The following MAP7 variants were observed in gnomAD, a reference collection of about 807,000 sequenced individuals.
MAP7 encodes the protein microtubule associated protein 7.
In MAP7, 52 loss-of-function variants were observed where a neutral mutation model predicts 94.8. That is an observed-to-expected ratio of 0.55 (90% CI 0.44 to 0.69). MAP7 has a LOEUF of 0.69. Among genes scored for constraint, MAP7 ranks in the 30% least tolerant of loss-of-function variants. MAP7 has a pLI of 0.00. For missense variants in MAP7, 940 were observed against 964.6 expected (o/e 0.97, Z 0.34); for synonymous variants, 350 against 357.0 (o/e 0.98, Z 0.22).
intron 5 of MAP7, 58 bp downstream of exon 5, chr6:136,388,335 A>G (rs1779729481): frequency 7.9e-7 from 1 of 1,272,512 alleles, no homozygotes; most frequent in Admixed American, 1.9e-5. Context: ...AGAAAGAAGG[A>G]AACACCCTGT....
chr6:136,400,477 A>T (rs1783769020), intron 3 of MAP7, among the ~76,000 whole-genome samples: 1 of 152,164 alleles, frequency 6.6e-6, no homozygotes, highest in Non-Finnish European at 1.5e-5. Context: ...GATGGACTAA[A>T]ATCAAGCCTA....
At position 136,359,819 on chromosome 6, in the gene MAP7, C is replaced by G; in HGVS notation, c.1912+1G>C. Reference sequence around the variant, plus strand: ...TGGTTTGAGTTCATTGACAGAAATACCTGTTCCTCCAGTGAGAGCTCCCTT... The same window carrying G: ...TGGTTTGAGTTCATTGACAGAAATAGCTGTTCCTCCAGTGAGAGCTCCCTT... On this transcript the variant is annotated splice_donor_variant, in intron 15 of 17. Transcript: ENST00000354570. LOFTEE classifies it high-confidence loss of function. 2 of 1,611,802 alleles carry G rather than the reference C, an allele frequency of 1.2e-6. No individual in the cohort carries two copies. The highest frequency in any genetic ancestry group is 8.5e-7 in the Non-Finnish European group (1 of 1,179,576).
intron 8 of MAP7, among the ~76,000 whole-genome samples, chr6:136,371,351 C>T (rs1774447365): frequency 6.6e-6 from 1 of 152,208 alleles, no homozygotes; most frequent in African/African-American, 2.4e-5. Context: ...GGCTTTCTGT[C>T]TACAGCTAAG....
chr6:136,523,966 C>T (rs901698207), intron 1 of MAP7, among the ~76,000 whole-genome samples: 14 of 152,048 alleles, frequency 9.2e-5, no homozygotes, highest in African/African-American at 3.4e-4. Context: ...GAGGGCAGGG[C>T]GCAGTGACTC....
chr6:136,538,477 G>C (rs939067418), intron 1 of MAP7, among the ~76,000 whole-genome samples: 1 of 152,066 alleles, frequency 6.6e-6, no homozygotes, highest in Non-Finnish European at 1.5e-5. Context: ...CAATATTTTA[G>C]CAAAGGACTT....
intron 1 of MAP7, among the ~76,000 whole-genome samples, chr6:136,532,911 G>T (rs1437608579): frequency 6.6e-6 from 1 of 152,192 alleles, no homozygotes; most frequent in Non-Finnish European, 1.5e-5. Context: ...CAGGTGTTTG[G>T]GTTAGAAGAG....
Position 136,388,554 on chromosome 6 carries a change from G to A in MAP7, c.409-44C>T, listed in dbSNP as rs769123635. The A allele has an allele frequency of 1.7e-5, 26 of 1,498,614 alleles. No individual in the cohort carries two copies. In the East Asian group the frequency reaches 4.5e-4, roughly 26 times the overall value. 92.8% of individuals were successfully genotyped at this position (1,498,614 alleles called of 1,614,324 possible). A position where few individuals can be genotyped will look rare whatever the true frequency, so the allele number is the denominator to read the frequency against. ...GCTGAGGATTAGATTCCAGCTGGTTGTTTGAAGCTTCTTCAATTTAAGGCA... is the reference window on the plus strand; with the variant it reads ...GCTGAGGATTAGATTCCAGCTGGTTATTTGAAGCTTCTTCAATTTAAGGCA... On this transcript the variant is annotated intron_variant, in intron 4 of 17. Coordinates refer to ENST00000354570, the MANE Select transcript of MAP7 (RefSeq NM_003980.6).
chr6:136,348,798 A>T (rs746365741), intron 16 of MAP7, among the ~76,000 whole-genome samples: 1 of 152,190 alleles, frequency 6.6e-6, no homozygotes, highest in Non-Finnish European at 1.5e-5. Context: ...GATGAACTCA[A>T]GATTTGGAGG....
At chr6:136,457,185 C>G (rs1345821183) in intron 1 of MAP7, among the ~76,000 whole-genome samples, 1 of 150,892 alleles carries the variant, frequency 6.6e-6, no homozygotes, top group Non-Finnish European at 1.5e-5. Flanking sequence ...TATATGCTAA[C>G]AAGCTGGAAA....
intron 1 of MAP7, among the ~76,000 whole-genome samples, chr6:136,501,258 C>T (rs767977941): frequency 6.6e-6 from 1 of 152,222 alleles, no homozygotes; most frequent in African/African-American, 2.4e-5. Context: ...GGGCAACAGA[C>T]CCCTGGAGGT....
chr6:136,447,174 T>C (rs1347599255), intron 1 of MAP7, among the ~76,000 whole-genome samples: 2 of 152,222 alleles, frequency 1.3e-5, no homozygotes, highest in African/African-American at 2.4e-5. Flanking sequence ...CCCCCGAAAT[T>C]TGTTGTGTCT....
At position 136,345,856 on chromosome 6, in the gene MAP7, C is replaced by T; in HGVS notation, c.2239G>A (p.Glu747Lys). The change falls in exon 17 of 18, where the codon GAA becomes AAA. Residue 747 changes from glutamate (E) to lysine (K), a missense_variant and splice_region_variant. By Grantham distance (56) the Glu-to-Lys change is moderately conservative. Transcript: ENST00000354570. Reference sequence around the variant, plus strand: ...AGAAGGGAGTTGGAGGCAAGCTTACCTGCAGTCTGCTGTGTCTGAACACCA... The same window carrying T: ...AGAAGGGAGTTGGAGGCAAGCTTACTTGCAGTCTGCTGTGTCTGAACACCA... ...VDGVQTQQTA[E>K]VI 2 of 1,613,566 alleles carry T rather than the reference C, an allele frequency of 1.2e-6. No individual in the cohort carries two copies. The highest frequency in any genetic ancestry group is 1.1e-5 in the South Asian group (1 of 91,050).
chr6:136,441,300 T>C (rs574401369), intron 1 of MAP7, among the ~76,000 whole-genome samples: 8 of 152,304 alleles, frequency 5.3e-5, no homozygotes, highest in African/African-American at 1.9e-4. Flanking sequence ...TTCCCTAATA[T>C]ATACCATTAA....
intron 8 of MAP7, among the ~76,000 whole-genome samples, chr6:136,369,082 A>G (rs761139429): frequency 6.6e-6 from 1 of 152,246 alleles, no homozygotes; most frequent in African/African-American, 2.4e-5. Flanking sequence ...GAATACTTGC[A>G]TTAACACTTA....
chr6:136,503,411 G>C (rs1354850145), intron 1 of MAP7, among the ~76,000 whole-genome samples: 1 of 151,354 alleles, frequency 6.6e-6, no homozygotes, highest in South Asian at 2.1e-4. Context: ...AAAAAAAAAG[G>C]GGGGTGGGGG....
At chr6:136,460,802 T>C (rs976427051) in intron 1 of MAP7, among the ~76,000 whole-genome samples, 2 of 148,312 alleles carry the variant, frequency 1.3e-5, no homozygotes, top group East Asian at 2.0e-4. Flanking sequence ...CATCTGAAGA[T>C]TTTTTTTTTT....
At chr6:136,513,385 C>G (rs2129034838) in intron 1 of MAP7, among the ~76,000 whole-genome samples, 1 of 152,302 alleles carries the variant, frequency 6.6e-6, no homozygotes, top group East Asian at 1.9e-4. Flanking sequence ...TAAGTAGATT[C>G]CATCTCAAGA....
Position 136,362,567 on chromosome 6 carries a change from G to C in MAP7, c.1409C>G (p.Ser470Cys). Residue 470 changes from serine to cysteine, a missense_variant, in exon 11 of 18, where the codon TCT (serine) becomes TGT (cysteine). Coordinates refer to ENST00000354570, the MANE Select transcript of MAP7 (RefSeq NM_003980.6). Reference sequence around the variant, plus strand: ...CTCCTCTGGGTCGGTGGTGCCTGCAGAAGTCTTAACAGAAGCACTGGCATT... The same window carrying C: ...CTCCTCTGGGTCGGTGGTGCCTGCACAAGTCTTAACAGAAGCACTGGCATT... ...TVNASASVKTSAGTTDPEEAT... is the reference protein window; with the variant it reads ...TVNASASVKTCAGTTDPEEAT... 1 of 1,614,128 alleles carries C rather than the reference G, an allele frequency of 6.2e-7. No individual in the cohort carries two copies. Among genetic ancestry groups the C allele is most frequent in the Non-Finnish European group, 8.5e-7 (1 of 1,180,028 alleles).
In MAP7 at chr6:136,351,124, C is replaced by G. The variant is rs535791209; in HGVS notation, c.2016-5045G>C. Among the ~76,000 whole-genome samples, 23 of 151,902 alleles carry G rather than the reference C, an allele frequency of 1.5e-4. No individual in the cohort carries two copies. The South Asian group carries it at 4.4e-3, about 29-fold the overall frequency. Reference sequence around the variant, plus strand: ...AAAAGCAGTGGGTTTAGAAAACTGTCAGCTGAGCTATCCTTAAAAGACAGT... The same window carrying G: ...AAAAGCAGTGGGTTTAGAAAACTGTGAGCTGAGCTATCCTTAAAAGACAGT... On this transcript the variant is annotated intron_variant, in intron 16 of 17. Transcript: ENST00000354570.
Sources: gnomAD v4.1 joint callset for allele counts (sites outside exome capture counted in the v4.1 genomes callset) on GRCh38, gnomAD v4.1.1 for gene constraint, MANE v1.5 for transcripts, NCBI Gene and HGNC (gene_info 2026-07-23, HGNC 2026-07-21) for gene names.